FMO3: variants seen among roughly 807,000 people sequenced by gnomAD.
The protein encoded by FMO3 is flavin-containing monooxygenase 3.
Under a neutral mutation model 39.4 loss-of-function variants are expected in FMO3, and 40 were observed. The observed-to-expected ratio is 1.02, with a 90% confidence interval of 0.79 to 1.32. The LOEUF is 1.32. Ranked by LOEUF, FMO3 falls within the 40% of genes most tolerant of loss-of-function variation. The pLI is 0.00. For missense variants in FMO3, 680 were observed against 651.8 expected, an observed-to-expected ratio of 1.04 and a Z score of -0.47; for synonymous variants, 219 against 228.8, an observed-to-expected ratio of 0.96 and a Z score of 0.39.
At position 171,117,495 on chromosome 1, in the gene FMO3, CT is replaced by C; in HGVS notation, c.*56del. On this transcript the variant is annotated 3_prime_UTR_variant, in exon 9 of 9. Transcript: ENST00000367755. The stretch of plus-strand genomic sequence containing the variant: ...GTTACTGACAATACCCAGACAGGGG[CT>C]TTGCTATTTAAAAATTAAAATTTTC... 5.5e-6 allele frequency: 8 copies of C among 1,464,106 alleles called. No homozygotes were observed. The highest frequency in any genetic ancestry group is 7.5e-6 in the Non-Finnish European group (8 of 1,060,480). The allele number at this position is 1,464,106 out of a possible 1,614,324, so 90.7% of individuals were successfully genotyped here.
chr1:171,098,944 T>C (rs1467909576), intron 2 of FMO3, among the ~76,000 whole-genome samples: 2 of 152,288 alleles, frequency 1.3e-5, no homozygotes, highest in Middle Eastern at 3.4e-3. Flanking sequence ...AAACAGCTCT[T>C]ATTATTTTGA....
At chr1:171,101,753 G>A in intron 2 of FMO3, 1 of 517,846 alleles carries the variant, frequency 1.9e-6, no homozygotes, top group South Asian at 1.5e-5. Context: ...CAGATCTGCG[G>A]CCTAATCACA....
intron 6 of FMO3, among the ~76,000 whole-genome samples, chr1:171,113,500 A>G (rs892151205): frequency 1.3e-5 from 2 of 152,244 alleles, no homozygotes; most frequent in African/African-American, 4.8e-5. Flanking sequence ...AATAACAGTT[A>G]ACATTTTCGA....
chr1:171,112,870 A>T (rs1412271017), intron 6 of FMO3, among the ~76,000 whole-genome samples: 4 of 152,208 alleles, frequency 2.6e-5, no homozygotes, highest in African/African-American at 9.6e-5. Flanking sequence ...GTCAGAAGTC[A>T]GGAAGAGGAG....
At position 171,102,433 on chromosome 1, in the gene FMO3, AT is replaced by A. The variant is rs375210797; in HGVS notation, c.133-1343del. ...TCTTCCTAATCATGCTCCAACCAGT[AT>A]TTTTTTTTAACTTAATGCCTTTTAT... On this transcript the variant is annotated intron_variant, in intron 2 of 8. Coordinates refer to ENST00000367755, the MANE Select transcript of FMO3 (RefSeq NM_001002294.3). Among the ~76,000 whole-genome samples, 891 of 151,490 alleles carry A rather than the reference AT, an allele frequency of 5.9e-3. 12 individuals carry two copies. Among genetic ancestry groups the A allele is most frequent in the African/African-American group, 0.018 (761 of 41,336 alleles).
intron 7 of FMO3, 36 bp from the exon 8 acceptor site, chr1:171,116,172 T>C: frequency 8.0e-7 from 1 of 1,243,820 alleles, no homozygotes; most frequent in East Asian, 2.4e-5. Context: ...TATGCCAGAC[T>C]CATTAATTAC....
chr1:171,117,092 A>G lies in FMO3; in HGVS notation c.1257-8A>G. 1 of 1,609,930 alleles carries G rather than the reference A, an allele frequency of 6.2e-7. No individual in the cohort carries two copies. ...TATCCACAGTGGTGTTTTCTCTCCCATCTCCAGGTTTGGCAAAAGCGAGAC... is the reference window on the plus strand; with the variant it reads ...TATCCACAGTGGTGTTTTCTCTCCCGTCTCCAGGTTTGGCAAAAGCGAGAC... On this transcript the variant is annotated splice_region_variant and splice_polypyrimidine_tract_variant and intron_variant, in intron 8 of 8. Transcript: ENST00000367755.
At chr1:171,099,186 G>T (rs1406057859) in intron 2 of FMO3, among the ~76,000 whole-genome samples, 1 of 152,180 alleles carries the variant, frequency 6.6e-6, no homozygotes, top group Non-Finnish European at 1.5e-5. Flanking sequence ...AGGTTGTTCA[G>T]TTTCCACGTA....
At chr1:171,106,231 C>G (rs1011538716) in intron 3 of FMO3, among the ~76,000 whole-genome samples, 8 of 151,134 alleles carry the variant, frequency 5.3e-5, no homozygotes, top group African/African-American at 1.9e-4. Context: ...ACCTCCACCT[C>G]CTAGGTTCAA....
intron 7 of FMO3, 54 bp from the exon 8 acceptor site, chr1:171,116,154 G>A: frequency 9.3e-7 from 1 of 1,078,838 alleles, no homozygotes. Context: ...AAAATTACAG[G>A]CTGGTCCTAT....
At chr1:171,096,029 T>C (rs1321357089) in intron 2 of FMO3, among the ~76,000 whole-genome samples, 1 of 52,938 alleles carries the variant, frequency 1.9e-5, no homozygotes, top group African/African-American at 8.1e-5. Context: ...TATATTAATA[T>C]ATAATATATA....
At position 171,117,697 on chromosome 1, in the gene FMO3, C is replaced by A. The variant is rs536146962; in HGVS notation, c.*255C>A. ...AACACTTCAAAATCAGAACTATGTT[C>A]TTTATATCTAACTTAAATCATTTCC... On this transcript the variant is annotated 3_prime_UTR_variant, in exon 9 of 9. Transcript: ENST00000367755. The A allele has an allele frequency of 6.8e-5, 25 of 366,658 alleles. No homozygotes were observed. The highest frequency in any genetic ancestry group is 1.0e-4 in the Non-Finnish European group (21 of 204,022). 22.7% of individuals were successfully genotyped at this position (366,658 alleles called of 1,614,324 possible). A position where few individuals can be genotyped will look rare whatever the true frequency, so the allele number is the denominator to read the frequency against.
In FMO3 at chr1:171,092,669, A is replaced by C; in HGVS notation, c.11A>C (p.Lys4Thr). The part of the protein sequence containing the change: MGK[K>T]VAIIGAGVSG... The stretch of plus-strand genomic sequence containing the variant: ...TTTGCACAGGTTACCATGGGGAAGA[A>C]AGTGGCCATCATTGGAGCTGGTGTG... Residue 4 changes from lysine (K) to threonine (T), a missense_variant, in exon 2 of 9, where the codon AAA (lysine) becomes ACA (threonine). Coordinates refer to ENST00000367755, the MANE Select transcript of FMO3 (RefSeq NM_001002294.3). 2 of 1,614,190 alleles carry C rather than the reference A, an allele frequency of 1.2e-6. No individual in the cohort carries two copies. Among genetic ancestry groups the C allele is most frequent in the Non-Finnish European group, 8.5e-7 (1 of 1,180,024 alleles).
chr1:171,094,819 C>T (rs1333634578), intron 2 of FMO3, among the ~76,000 whole-genome samples: 1 of 152,038 alleles, frequency 6.6e-6, no homozygotes, highest in Non-Finnish European at 1.5e-5. Context: ...ATACCAGTAC[C>T]ATGCTATTTT....
intron 2 of FMO3, 49 bp downstream of exon 2, chr1:171,092,839 A>G (rs1194304388): frequency 6.2e-7 from 1 of 1,601,678 alleles, no homozygotes; most frequent in Non-Finnish European, 8.5e-7. Flanking sequence ...TGGGAAGTGT[A>G]TAAGAGCACA....
At chr1:171,116,858 G>A (rs965879065) in intron 8 of FMO3, among the ~76,000 whole-genome samples, 9 of 152,016 alleles carry the variant, frequency 5.9e-5, no homozygotes, top group Non-Finnish European at 1.2e-4. Context: ...TGCAGTGTTG[G>A]GGTATTTCCA....
At chr1:171,115,055 TGTG>T (rs1264060708) in intron 7 of FMO3, among the ~76,000 whole-genome samples, 3 of 152,058 alleles carry the variant, frequency 2.0e-5, no homozygotes, top group African/African-American at 7.2e-5. Flanking sequence ...GGAATACAGT[TGTG>T]GGGAGATGCA....
intron 2 of FMO3, among the ~76,000 whole-genome samples, chr1:171,096,071 T>TAATATATATTAGATATAAATATA (rs1491505210): frequency 1.9e-5 from 1 of 53,670 alleles, no homozygotes; most frequent in African/African-American, 1.0e-4. Context: ...ATATTATATA[T>TAATATATATTAGATATAAATATA]TAATATATAA....
Position 171,117,757 on chromosome 1 carries a change from A to C in FMO3, c.*315A>C. On this transcript the variant is annotated 3_prime_UTR_variant, in exon 9 of 9. Transcript: ENST00000367755. ...TTGACATGATTCCTTTTTCCTTTTA[A>C]ACAATGTATGAAAGATGTATTTTAA... 4.2e-6 allele frequency: 1 copy of C among 236,844 alleles called. No homozygotes were observed. The highest frequency in any genetic ancestry group is 8.2e-6 in the Non-Finnish European group (1 of 121,868). 14.7% of individuals were successfully genotyped at this position (236,844 alleles called of 1,614,324 possible).
Sources: allele counts gnomAD v4.1 joint callset (sites outside exome capture counted in the v4.1 genomes callset), GRCh38; gene constraint gnomAD v4.1.1; transcripts MANE v1.5; gene names NCBI Gene and HGNC (gene_info 2026-07-23, HGNC 2026-07-21).